Variants in ALCAM observed in about 807,000 individuals in gnomAD.
ALCAM encodes activated leukocyte cell adhesion molecule, also known as CD166 antigen.
A neutral mutation model predicts 70.9 loss-of-function variants in ALCAM; 30 were observed. The observed-to-expected ratio is 0.42, with a 90% CI of 0.32 to 0.57. The LOEUF (loss-of-function observed/expected upper bound fraction) is 0.57, where lower values mean the gene tolerates loss of function less well. ALCAM is among the 20% of genes least tolerant of loss of function. The pLI, the probability that ALCAM is intolerant of heterozygous loss-of-function variation, is 0.11. For synonymous variants in ALCAM, 249 were observed against 242.5 expected (o/e 1.03, Z -0.25); for missense variants, 591 against 695.1 (o/e 0.85, Z 1.68).
chr3:105,411,759 A>G (rs998148428), intron 1 of ALCAM, among the ~76,000 whole-genome samples: 1 of 152,068 alleles, frequency 6.6e-6, no homozygotes, highest in Non-Finnish European at 1.5e-5. Context: ...AAAAGACAAC[A>G]GAAATCCTCA....
intron 1 of ALCAM, among the ~76,000 whole-genome samples, chr3:105,426,046 C>T (rs184789032): frequency 6.6e-6 from 1 of 151,780 alleles, no homozygotes; most frequent in Admixed American, 6.6e-5. Flanking sequence ...TTTATTTTTC[C>T]CATTTTGTCT....
chr3:105,412,094 T>A (rs187272706), intron 1 of ALCAM, among the ~76,000 whole-genome samples: 19 of 152,210 alleles, frequency 1.2e-4, no homozygotes, highest in African/African-American at 4.6e-4. Flanking sequence ...AGCATCAGGA[T>A]AAAATGCTAT....
intron 1 of ALCAM, among the ~76,000 whole-genome samples, chr3:105,400,107 G>C (rs1038710191): frequency 2.6e-5 from 4 of 152,050 alleles, no homozygotes; most frequent in Non-Finnish European, 5.9e-5. Flanking sequence ...GGTTAACTAC[G>C]TTGTCCTGTT....
intron 1 of ALCAM, among the ~76,000 whole-genome samples, chr3:105,387,771 C>T (rs1020042287): frequency 6.6e-6 from 1 of 151,400 alleles, no homozygotes; most frequent in Non-Finnish European, 1.5e-5. Flanking sequence ...CCCAGTCCTG[C>T]CTTTACCAGC....
At chr3:105,572,010 A>C in intron 15 of ALCAM, 46 bp downstream of exon 15, 1 of 1,102,852 alleles carries the variant, frequency 9.1e-7, no homozygotes, top group Non-Finnish European at 1.3e-6. Flanking sequence ...CCTAGCAAGT[A>C]GGAAACATCC....
chr3:105,555,127 A>C (rs189395808), intron 14 of ALCAM, among the ~76,000 whole-genome samples: 1 of 151,930 alleles, frequency 6.6e-6, no homozygotes, highest in Non-Finnish European at 1.5e-5. Flanking sequence ...GGATAAATAT[A>C]TGCTGGACAC....
chr3:105,551,377 A>AGT (rs1940402411), intron 12 of ALCAM, among the ~76,000 whole-genome samples: 1 of 151,566 alleles, frequency 6.6e-6, no homozygotes, highest in South Asian at 2.1e-4. Context: ...TAGGCCTTGC[A>AGT]GTGACTTTAT....
At chr3:105,417,044 C>T (rs1416307700) in intron 1 of ALCAM, among the ~76,000 whole-genome samples, 1 of 151,826 alleles carries the variant, frequency 6.6e-6, no homozygotes, top group Non-Finnish European at 1.5e-5. Flanking sequence ...GCCTAATTCC[C>T]CTGTGCCATT....
At chr3:105,442,555 G>A (rs1045189841) in intron 1 of ALCAM, among the ~76,000 whole-genome samples, 6 of 152,126 alleles carry the variant, frequency 3.9e-5, no homozygotes, top group African/African-American at 1.2e-4. Context: ...GCTGAGGCGG[G>A]TGGATCACGA....
chr3:105,500,063 C>T (rs1010856580), intron 1 of ALCAM, among the ~76,000 whole-genome samples: 2 of 152,136 alleles, frequency 1.3e-5, no homozygotes, highest in Non-Finnish European at 2.9e-5. Flanking sequence ...TGGCTTTGTT[C>T]ACAGACTACA....
chr3:105,473,909 G>A (rs967076642), intron 1 of ALCAM, among the ~76,000 whole-genome samples: 15 of 151,142 alleles, frequency 9.9e-5, no homozygotes, highest in African/African-American at 3.6e-4. Flanking sequence ...AAGTTAAGGT[G>A]GCTGCCTTCT....
At chr3:105,539,790 C>G (rs575957349) in intron 6 of ALCAM, among the ~76,000 whole-genome samples, 185 bp from the exon 7 acceptor site, 1 of 151,894 alleles carries the variant, frequency 6.6e-6, no homozygotes, top group Non-Finnish European at 1.5e-5. Flanking sequence ...TGTAGTTGGC[C>G]CTAAGATTAG....
At chr3:105,426,727 A>G (rs1936799238) in intron 1 of ALCAM, among the ~76,000 whole-genome samples, 1 of 151,820 alleles carries the variant, frequency 6.6e-6, no homozygotes. Flanking sequence ...CATTTATGCA[A>G]ATTAGATTGT....
chr3:105,544,938 G>A, intron 8 of ALCAM: 1 of 345,496 alleles, frequency 2.9e-6, no homozygotes, highest in Non-Finnish European at 5.6e-6. Context: ...AAGGTGATAG[G>A]CCCTAGGGGA....
chr3:105,379,004 A>C (rs1935446792), intron 1 of ALCAM, among the ~76,000 whole-genome samples: 1 of 151,972 alleles, frequency 6.6e-6, no homozygotes, highest in Admixed American at 6.6e-5. Context: ...CCAGACTGAA[A>C]TCTGCATAGC....
intron 14 of ALCAM, among the ~76,000 whole-genome samples, chr3:105,565,450 T>G (rs919085280): frequency 2.0e-5 from 3 of 152,224 alleles, no homozygotes; most frequent in Non-Finnish European, 2.9e-5. Context: ...ATTTCTGATC[T>G]GTGTTTCTCA....
At chr3:105,398,046 A>G (rs951894966) in intron 1 of ALCAM, among the ~76,000 whole-genome samples, 17 of 152,192 alleles carry the variant, frequency 1.1e-4, no homozygotes, top group African/African-American at 4.1e-4. Flanking sequence ...CGTGCCTCTC[A>G]ATCACCTGGA....
chr3:105,565,196 A>C (rs1576245060), intron 14 of ALCAM, among the ~76,000 whole-genome samples: 1 of 152,204 alleles, frequency 6.6e-6, no homozygotes, highest in African/African-American at 2.4e-5. Context: ...CTGCTTTTGA[A>C]AATTTGGAAA....
At chr3:105,523,928 A>G (rs1576220180) in intron 2 of ALCAM, among the ~76,000 whole-genome samples, 1 of 152,170 alleles carries the variant, frequency 6.6e-6, no homozygotes, top group Non-Finnish European at 1.5e-5. Context: ...TCAAGTGTAT[A>G]CCTGCCGTGA....
Sources: allele counts gnomAD v4.1 joint callset (sites outside exome capture counted in the v4.1 genomes callset), GRCh38; gene constraint gnomAD v4.1.1; transcripts MANE v1.5; gene names NCBI Gene and HGNC (gene_info 2026-07-23, HGNC 2026-07-21).